Variants in STX8 observed in about 807,000 individuals in gnomAD.
STX8 encodes syntaxin-8.
A neutral mutation model predicts 37.5 loss-of-function variants in STX8; 23 were observed. That is an observed-to-expected ratio of 0.61 (90% CI 0.44 to 0.87). The LOEUF (loss-of-function observed/expected upper bound fraction) is 0.87, where lower values mean the gene tolerates loss of function less well. Ranked by LOEUF, STX8 falls within the 40% of genes least tolerant of loss-of-function variation. The pLI is 0.00. For synonymous variants in STX8, 115 were observed against 99.1 expected, an observed-to-expected ratio of 1.16 and a Z score of -0.95; for missense variants, 313 against 284.7, an observed-to-expected ratio of 1.10 and a Z score of -0.71.
intron 7 of STX8, among the ~76,000 whole-genome samples, chr17:9,328,027 C>T (rs951307721): frequency 1.3e-5 from 2 of 151,046 alleles, no homozygotes; most frequent in Non-Finnish European, 3.0e-5. Flanking sequence ...CTTTCTCTTT[C>T]CTCCTTTCTC....
chr17:9,553,712 C>T (rs1005984596), intron 3 of STX8: 3 of 152,160 alleles, frequency 2.0e-5, no homozygotes, highest in African/African-American at 7.2e-5. Context: ...ATGGTTAAGA[C>T]GGTTCTTGAA....
At chr17:9,340,795 T>A (rs541248440) in intron 7 of STX8, among the ~76,000 whole-genome samples, 1 of 150,420 alleles carries the variant, frequency 6.6e-6, no homozygotes, top group African/African-American at 2.4e-5. Flanking sequence ...GTAGCTGGGA[T>A]GACAGGCATG....
intron 6 of STX8, among the ~76,000 whole-genome samples, chr17:9,435,105 T>G (rs1904383621): frequency 1.3e-5 from 2 of 152,176 alleles, no homozygotes; most frequent in Non-Finnish European, 2.9e-5. Flanking sequence ...CCTGCTGATC[T>G]CCTACCTCAT....
At chr17:9,541,231 T>A (rs1358861921) in intron 4 of STX8, among the ~76,000 whole-genome samples, 1 of 151,952 alleles carries the variant, frequency 6.6e-6, no homozygotes, top group Non-Finnish European at 1.5e-5. Context: ...ATGAGATTGT[T>A]CACTAATAAG....
intron 7 of STX8, among the ~76,000 whole-genome samples, chr17:9,293,424 G>A (rs1908391226): frequency 6.6e-6 from 1 of 151,538 alleles, no homozygotes; most frequent in East Asian, 1.9e-4. Flanking sequence ...TCCCCTACCT[G>A]TAATCAGCTT....
At chr17:9,428,235 C>CTTTGG (rs1567555698) in intron 6 of STX8, among the ~76,000 whole-genome samples, 1 of 151,980 alleles carries the variant, frequency 6.6e-6, no homozygotes, top group Admixed American at 6.6e-5. Context: ...CCAGAAATGA[C>CTTTGG]TTTTGTTTTG....
chr17:9,308,596 G>A (rs1439254400), intron 7 of STX8, among the ~76,000 whole-genome samples: 1 of 151,960 alleles, frequency 6.6e-6, no homozygotes, highest in South Asian at 2.1e-4. Flanking sequence ...GGTGGCGTAC[G>A]CCTGTAGTCC....
At chr17:9,439,555 G>A (rs1458452816) in intron 6 of STX8, among the ~76,000 whole-genome samples, 1 of 149,082 alleles carries the variant, frequency 6.7e-6, no homozygotes, top group Non-Finnish European at 1.5e-5. Flanking sequence ...TTTTGCGGTG[G>A]TGTGATCTTG....
At chr17:9,337,604 TG>T (rs1415298145) in intron 7 of STX8, among the ~76,000 whole-genome samples, 3 of 152,218 alleles carry the variant, frequency 2.0e-5, no homozygotes, top group Non-Finnish European at 4.4e-5. Flanking sequence ...TGACCTCAGG[TG>T]ATCTGCCCGC....
chr17:9,484,776 G>A (rs1330810852), intron 6 of STX8, among the ~76,000 whole-genome samples: 5 of 152,118 alleles, frequency 3.3e-5, no homozygotes, highest in African/African-American at 2.4e-5. Flanking sequence ...GCCATGAGGC[G>A]AGATCGTGCC....
intron 4 of STX8, among the ~76,000 whole-genome samples, chr17:9,509,384 T>A (rs532919466): frequency 2.0e-5 from 3 of 151,444 alleles, no homozygotes; most frequent in Non-Finnish European, 4.4e-5. Flanking sequence ...TAGGATTTTA[T>A]GTTCAAAGTA....
chr17:9,351,639 T>C (rs1910710530), intron 7 of STX8, among the ~76,000 whole-genome samples: 1 of 152,202 alleles, frequency 6.6e-6, no homozygotes. Flanking sequence ...TTTTAAAATC[T>C]GGAATCCGAT....
chr17:9,380,994 C>T (rs1890062667), intron 6 of STX8, among the ~76,000 whole-genome samples: 1 of 152,086 alleles, frequency 6.6e-6, no homozygotes, highest in Non-Finnish European at 1.5e-5. Flanking sequence ...GAATTACAGG[C>T]GTCAGCCACT....
At chr17:9,499,194 A>G (rs1904522071) in intron 5 of STX8, among the ~76,000 whole-genome samples, 1 of 152,194 alleles carries the variant, frequency 6.6e-6, no homozygotes, top group Non-Finnish European at 1.5e-5. Context: ...CCACGGGCTA[A>G]AGGAAGTCAG....
rs190579726 is a variant in STX8, at chr17:9,521,466, A to G, written c.324-16304T>C. 3.0e-4 allele frequency among the ~76,000 whole-genome samples: 46 copies of G among 152,384 alleles called. No individual in the cohort carries two copies. The East Asian group carries it at 5.8e-3, about 19-fold the overall frequency. On this transcript the variant is annotated intron_variant, in intron 4 of 7. Transcript: ENST00000306357. ...CAACACAGCACTTAATAACAATCCC[A>G]GAGTTAAACTGGTCCTTCAAGAGAT...
chr17:9,531,730 A>G (rs558195051), intron 4 of STX8, among the ~76,000 whole-genome samples: 1 of 152,280 alleles, frequency 6.6e-6, no homozygotes, highest in East Asian at 1.9e-4. Context: ...TTATCTCTTC[A>G]GCTTTACTTA....
At chr17:9,558,929 G>C (rs576825311) in intron 2 of STX8, among the ~76,000 whole-genome samples, 1 of 152,106 alleles carries the variant, frequency 6.6e-6, no homozygotes, top group African/African-American at 2.4e-5. Flanking sequence ...GCATTTGGGA[G>C]ATGAAAGACG....
Position 9,340,113 on chromosome 17 carries a change from C to T in STX8, c.643+38439G>A, listed in dbSNP as rs141125067. 4.8e-3 allele frequency among the ~76,000 whole-genome samples: 736 copies of T among 152,350 alleles called. 5 individuals are homozygous for T. The highest frequency in any genetic ancestry group is 0.016 in the African/African-American group (664 of 41,566). ...AAGATGACCATGTCACAGAAGCCCACGTGTAATAAATAGTTCATTTGGAAT... is the reference window on the plus strand; with the variant it reads ...AAGATGACCATGTCACAGAAGCCCATGTGTAATAAATAGTTCATTTGGAAT... On this transcript the variant is annotated intron_variant, in intron 7 of 7. Coordinates refer to ENST00000306357, the MANE Select transcript of STX8 (RefSeq NM_004853.3).
At chr17:9,543,316 C>T (rs1255224429) in intron 4 of STX8, among the ~76,000 whole-genome samples, 22 of 140,642 alleles carry the variant, frequency 1.6e-4, no homozygotes, top group South Asian at 4.4e-4. Flanking sequence ...TTTTTTGAGA[C>T]GGAGTCTTGC....
Sources: gnomAD v4.1 joint callset for allele counts (sites outside exome capture counted in the v4.1 genomes callset) on GRCh38, gnomAD v4.1.1 for gene constraint, MANE v1.5 for transcripts, NCBI Gene and HGNC (gene_info 2026-07-23, HGNC 2026-07-21) for gene names.